RGS5: variants seen among roughly 807,000 people sequenced by gnomAD.
RGS5 encodes regulator of G protein signaling 5, also known as regulator of G-protein signalling 5.
RGS5 carries 20 observed loss-of-function variants against 18.9 expected under a neutral mutation model. The observed-to-expected ratio is 1.06, with a 90% CI of 0.74 to 1.54. The LOEUF is 1.54. Among genes scored for constraint, RGS5 ranks in the 40% most tolerant of loss-of-function variants. The probability of loss-of-function intolerance (pLI) is 0.00; values close to 1 mark genes in which losing one functional copy is unlikely to be tolerated. For synonymous variants in RGS5, 57 were observed against 76.2 expected (o/e 0.75, Z 1.31); for missense variants, 201 against 211.8 (o/e 0.95, Z 0.32).
chr1:163,289,808 C>A (rs972841777), intron 2 of RGS5, among the ~76,000 whole-genome samples: 5 of 152,032 alleles, frequency 3.3e-5, no homozygotes, highest in South Asian at 2.1e-4. Context: ...GGTAAGAGAG[C>A]CCTCGGTAAG....
At chr1:163,243,758 TTAAAG>T (rs1647860539) in intron 2 of RGS5, among the ~76,000 whole-genome samples, 2 of 141,052 alleles carry the variant, frequency 1.4e-5, no homozygotes, top group African/African-American at 2.7e-5. Context: ...ATCCCAGAAA[TTAAAG>T]TAACATTAAA....
chr1:163,227,124 A>G (rs1003151526), intron 2 of RGS5, among the ~76,000 whole-genome samples: 3 of 152,208 alleles, frequency 2.0e-5, no homozygotes, highest in South Asian at 2.1e-4. Context: ...TAATACACTC[A>G]TCAGAGTGAT....
intron 2 of RGS5, among the ~76,000 whole-genome samples, chr1:163,306,080 G>A (rs1649690524): frequency 6.6e-6 from 1 of 152,104 alleles, no homozygotes; most frequent in African/African-American, 2.4e-5. Context: ...TGGGGCTTGG[G>A]TACATTTTAA....
chr1:163,202,110 C>A (rs1485508560), intron 1 of RGS5, among the ~76,000 whole-genome samples: 1 of 152,120 alleles, frequency 6.6e-6, no homozygotes, highest in African/African-American at 2.4e-5. Flanking sequence ...TAATAAATAA[C>A]CCCTGTGTCC....
intron 2 of RGS5, among the ~76,000 whole-genome samples, chr1:163,259,328 T>G (rs1648365892): frequency 6.6e-6 from 1 of 151,024 alleles, no homozygotes; most frequent in African/African-American, 2.5e-5. Context: ...ATTTTTTTTT[T>G]TTTATCTTTT....
chr1:163,256,184 G>T (rs1241421076), intron 2 of RGS5, among the ~76,000 whole-genome samples: 1 of 152,138 alleles, frequency 6.6e-6, no homozygotes, highest in East Asian at 1.9e-4. Context: ...CCTGTTTGCA[G>T]ATGACATGAT....
At chr1:163,178,993 A>G (rs1266901524) in intron 1 of RGS5, among the ~76,000 whole-genome samples, 2 of 152,188 alleles carry the variant, frequency 1.3e-5, no homozygotes, top group Non-Finnish European at 2.9e-5. Context: ...AATCTTCCCC[A>G]CATTTGAGAG....
chr1:163,268,732 T>G (rs1648637847), intron 2 of RGS5, among the ~76,000 whole-genome samples: 1 of 152,134 alleles, frequency 6.6e-6, no homozygotes, highest in Non-Finnish European at 1.5e-5. Context: ...CCTTGCCCAT[T>G]CATTCCTGAG....
At chr1:163,229,695 T>G (rs1039762852) in intron 2 of RGS5, among the ~76,000 whole-genome samples, 1 of 152,234 alleles carries the variant, frequency 6.6e-6, no homozygotes, top group Non-Finnish European at 1.5e-5. Context: ...GCTACATGGC[T>G]GTCTCTCTCA....
At chr1:163,183,533 T>C (rs1181534895) in intron 1 of RGS5, among the ~76,000 whole-genome samples, 8 of 152,334 alleles carry the variant, frequency 5.3e-5, no homozygotes, top group Non-Finnish European at 1.2e-4. Flanking sequence ...TTAGCACACC[T>C]GAAGGTAAAC....
At chr1:163,189,176 C>G (rs1659235989) in intron 1 of RGS5, among the ~76,000 whole-genome samples, 1 of 152,138 alleles carries the variant, frequency 6.6e-6, no homozygotes. Context: ...GGTAAGAAAG[C>G]ACCATTTGCA....
At chr1:163,249,278 G>C (rs1648035313) in intron 2 of RGS5, among the ~76,000 whole-genome samples, 1 of 152,160 alleles carries the variant, frequency 6.6e-6, no homozygotes, top group African/African-American at 2.4e-5. Context: ...CTTCCATATA[G>C]AAGCTTTTAG....
At chr1:163,286,415 A>G (rs1571341594) in intron 2 of RGS5, among the ~76,000 whole-genome samples, 1 of 148,784 alleles carries the variant, frequency 6.7e-6, no homozygotes, top group South Asian at 2.2e-4. Context: ...ATGTAATTAC[A>G]TATGTAAATT....
rs1327673106 is a variant in RGS5, at chr1:163,172,805, C to T, written c.45-4437G>A. On this transcript the variant is annotated intron_variant, in intron 1 of 4. Coordinates refer to ENST00000313961, the MANE Select transcript of RGS5 (RefSeq NM_003617.4). ...CTCATACAACAGTAAAGTTTAAAGG[C>T]CGAGGAGCTGAGAAATGCTGAAGTT... Among the ~76,000 whole-genome samples, 7 of 152,206 alleles carry T rather than the reference C, an allele frequency of 4.6e-5. No individual in the cohort carries two copies. In the East Asian group the frequency reaches 1.4e-3, roughly 29 times the overall value.
chr1:163,173,285 T>C (rs1251216365), intron 1 of RGS5, among the ~76,000 whole-genome samples: 3 of 152,194 alleles, frequency 2.0e-5, no homozygotes, highest in African/African-American at 7.2e-5. Flanking sequence ...TGAAATAAAA[T>C]CAATTGAAAA....
chr1:163,290,302 GTTTGTGT>G (rs2101724872), intron 2 of RGS5, among the ~76,000 whole-genome samples: 1 of 152,276 alleles, frequency 6.6e-6, no homozygotes, highest in African/African-American at 2.4e-5. Context: ...GTCACTCCTT[GTTTGTGT>G]CCACGTCCTC....
In RGS5 at chr1:163,314,957, G is replaced by C. The variant is rs143861427; in HGVS notation, c.-378+6665C>G. 3.2e-4 allele frequency among the ~76,000 whole-genome samples: 48 copies of C among 152,290 alleles called. No homozygotes were observed. The East Asian group carries it at 7.5e-3, about 24-fold the overall frequency. On this transcript the variant is annotated intron_variant, in intron 1 of 5. Coordinates refer to the RGS5 transcript ENST00000618415. ...ATTTCTGTTGCTTTTAAGGTACCCA[G>C]TTTGTGGCAGCTTGTTACAGCAGCC...
chr1:163,296,084 G>C (rs762796965), intron 2 of RGS5, among the ~76,000 whole-genome samples: 17 of 152,114 alleles, frequency 1.1e-4, no homozygotes, highest in Non-Finnish European at 1.9e-4. Flanking sequence ...TACAGTTCCA[G>C]TGAAGCCAAC....
chr1:163,188,930 C>T (rs1056460686), intron 1 of RGS5, among the ~76,000 whole-genome samples: 7 of 118,718 alleles, frequency 5.9e-5, no homozygotes, highest in Non-Finnish European at 9.8e-5. Flanking sequence ...ACCAGCCTGG[C>T]AACAGAGCGA....
Sources: allele counts gnomAD v4.1 joint callset (sites outside exome capture counted in the v4.1 genomes callset), GRCh38; gene constraint gnomAD v4.1.1; transcripts MANE v1.5; gene names NCBI Gene and HGNC (gene_info 2026-07-23, HGNC 2026-07-21).